DUSP16: variants seen among roughly 807,000 people sequenced by gnomAD.
DUSP16 encodes dual specificity protein phosphatase 16.
Under a neutral mutation model 58.3 loss-of-function variants are expected in DUSP16, and 21 were observed. That is an observed-to-expected ratio of 0.36 (90% confidence interval 0.26 to 0.52). DUSP16 has a LOEUF of 0.52. Among genes scored for constraint, DUSP16 ranks in the 20% least tolerant of loss-of-function variants. The pLI is 0.94. For missense variants in DUSP16, 726 were observed against 819.0 expected (o/e 0.89, Z 1.39); for synonymous variants, 320 against 323.8 (o/e 0.99, Z 0.12).
chr12:12,479,234 G>A (rs371141240), intron 6 of DUSP16, among the ~76,000 whole-genome samples: 5 of 151,990 alleles, frequency 3.3e-5, no homozygotes, highest in African/African-American at 1.2e-4. Context: ...AGGTGATGGA[G>A]GAGTAGAACT....
chr12:12,525,338 G>A (rs546692077), intron 1 of DUSP16, among the ~76,000 whole-genome samples: 8 of 151,416 alleles, frequency 5.3e-5, no homozygotes, highest in Non-Finnish European at 1.0e-4. Flanking sequence ...GGCGCATCTC[G>A]GCTCACCGCA....
chr12:12,553,582 G>C (rs369682610), intron 1 of DUSP16, among the ~76,000 whole-genome samples: 1 of 152,130 alleles, frequency 6.6e-6, no homozygotes, highest in East Asian at 1.9e-4. Flanking sequence ...TCACTCTGTT[G>C]CCCAGGCTGG....
At chr12:12,532,483 A>C (rs566569901) in intron 1 of DUSP16, among the ~76,000 whole-genome samples, 165 of 152,368 alleles carry the variant, frequency 1.1e-3, no homozygotes, top group Admixed American at 2.5e-3. Flanking sequence ...ACATAGTAAT[A>C]GTTTTACTTA....
intron 5 of DUSP16, among the ~76,000 whole-genome samples, chr12:12,486,135 A>G (rs1014750593): frequency 1.3e-5 from 2 of 152,080 alleles, no homozygotes; most frequent in African/African-American, 4.8e-5. Flanking sequence ...ATTTTTAATT[A>G]TGGTAATGGT....
chr12:12,513,837 AG>A (rs1944111291), intron 3 of DUSP16, among the ~76,000 whole-genome samples: 1 of 152,210 alleles, frequency 6.6e-6, no homozygotes, highest in Admixed American at 6.5e-5. Context: ...CAAATTCAAT[AG>A]TTTTCCTTTT....
chr12:12,534,396 C>T (rs1944435976), intron 1 of DUSP16, among the ~76,000 whole-genome samples: 1 of 152,238 alleles, frequency 6.6e-6, no homozygotes, highest in South Asian at 2.1e-4. Context: ...CACAGGAAAG[C>T]AAGGACACTA....
chr12:12,503,975 AAAAG>A (rs1943949101), intron 3 of DUSP16, among the ~76,000 whole-genome samples: 1 of 152,204 alleles, frequency 6.6e-6, no homozygotes, highest in Non-Finnish European at 1.5e-5. Flanking sequence ...CAATCTCAAA[AAAAG>A]GGGGTCAGCC....
At position 12,510,099 on chromosome 12, in the gene DUSP16, C is replaced by A. The variant is rs1944053386; in HGVS notation, c.368-9417G>T. Among the ~76,000 whole-genome samples, 3 of 151,934 alleles carry A rather than the reference C, an allele frequency of 2.0e-5. 1 individual carries two copies. The highest frequency in any genetic ancestry group is 2.0e-4 in the Admixed American group (3 of 15,272). ...TTTTTTCTGATGCCCCTAAATGGCG[C>A]AGGACTCCACACCGGTGTGGAGAGT... On this transcript the variant is annotated intron_variant, in intron 3 of 6. Transcript: ENST00000298573.
rs57833371 is a variant in DUSP16 at position 12,504,691 on chromosome 12, TAAA to T, written c.368-4012_368-4010del. Among the ~76,000 whole-genome samples, 639 of 119,108 alleles carry T rather than the reference TAAA, an allele frequency of 5.4e-3. 2 individuals are homozygous for T. The highest frequency in any genetic ancestry group is 8.0e-3 in the Admixed American group (88 of 10,950). The allele number at this position is 119,108 out of a possible 152,430, so 78.1% of individuals were successfully genotyped here. A position where few individuals can be genotyped will look rare whatever the true frequency, so the allele number is the denominator to read the frequency against. On this transcript the variant is annotated intron_variant, in intron 3 of 6. Coordinates refer to ENST00000298573, the MANE Select transcript of DUSP16 (RefSeq NM_030640.3). ...CAACATGGATAAACCCAATCTCTGT[TAAA>T]AAAAAAAAAAAAAAAAAAGAAAGAA...
chr12:12,512,563 A>G (rs766990029), intron 3 of DUSP16, among the ~76,000 whole-genome samples: 8 of 152,158 alleles, frequency 5.3e-5, no homozygotes, highest in Non-Finnish European at 8.8e-5. Context: ...ATGTGATACC[A>G]TGCAGTATTT....
chr12:12,503,606 A>C (rs989703723), intron 3 of DUSP16, among the ~76,000 whole-genome samples: 1 of 152,130 alleles, frequency 6.6e-6, no homozygotes, highest in African/African-American at 2.4e-5. Flanking sequence ...CAAAAAGTGG[A>C]AAAAGGAATG....
Position 12,517,889 on chromosome 12 carries a change from A to C in DUSP16, c.367+1973T>G, listed in dbSNP as rs73291700. ...CAGGGATGTCAGGGTGTTCTGACTC[A>C]GTGTGTCACACCACGTGTCCCTAGA... On this transcript the variant is annotated intron_variant, in intron 3 of 6. Coordinates refer to ENST00000298573, the MANE Select transcript of DUSP16 (RefSeq NM_030640.3). 3.8e-3 allele frequency among the ~76,000 whole-genome samples: 586 copies of C among 152,318 alleles called. 4 individuals are homozygous for C. Among genetic ancestry groups the C allele is most frequent in the African/African-American group, 0.013 (544 of 41,584 alleles).
At chr12:12,535,351 A>AT (rs1287419508) in intron 1 of DUSP16, among the ~76,000 whole-genome samples, 8 of 152,016 alleles carry the variant, frequency 5.3e-5, no homozygotes, top group East Asian at 1.9e-4. Context: ...GGGGAAAAAA[A>AT]TTTTTTTTTA....
rs775646657 is a variant in DUSP16, at chr12:12,477,021, T to A, written c.1810A>T (p.Ser604Cys). The A allele has an allele frequency of 6.2e-7, 1 of 1,614,252 alleles. No individual in the cohort carries two copies. The stretch of plus-strand genomic sequence containing the variant: ...CTCCGCCGCGAGTCAGCTCTGTCAC[T>A]TGGCTTCTGCCGCCTGCGCACAGAA... ...VYSVRRRQKPSDRADSRRSWH... is the reference protein window; with the variant it reads ...VYSVRRRQKPCDRADSRRSWH... The change falls in exon 7 of 7, where the codon AGT becomes TGT. Residue 604 changes from serine to cysteine, a missense_variant. Transcript: ENST00000298573. The surrounding 1 kb of genome is among the most constrained non-coding windows in gnomAD (Gnocchi z 4.1).
intron 3 of DUSP16, among the ~76,000 whole-genome samples, chr12:12,508,554 T>A (rs1462257027): frequency 1.3e-5 from 2 of 152,008 alleles, no homozygotes; most frequent in African/African-American, 4.8e-5. Flanking sequence ...AAGAGAAAAA[T>A]CCCAAATGAT....
At chr12:12,535,854 T>G (rs11835141) in intron 1 of DUSP16, among the ~76,000 whole-genome samples, 1,570 of 152,284 alleles carry the variant, frequency 0.01, 30 homozygotes, top group African/African-American at 0.035. Flanking sequence ...AGAAAACGCA[T>G]GAGCAAAGAC....
chr12:12,534,226 A>T (rs886977893), intron 1 of DUSP16, among the ~76,000 whole-genome samples: 26 of 152,338 alleles, frequency 1.7e-4, no homozygotes, highest in African/African-American at 4.6e-4. Flanking sequence ...ATCGCTGTTC[A>T]TTCACTGCAG....
In DUSP16 at chr12:12,476,716, T is replaced by C; in HGVS notation, c.*117A>G. 6 of 880,742 alleles carry C rather than the reference T, an allele frequency of 6.8e-6. No individual in the cohort carries two copies. The highest frequency in any genetic ancestry group is 1.0e-5 in the Non-Finnish European group (6 of 590,818). The allele number at this position is 880,742 out of a possible 1,614,324, so 54.6% of individuals were successfully genotyped here. ...TGATCCACCTGTTGCTTTTACACCA[T>C]AGCTCCATTTTCCAAAAATATATAT... is the stretch of plus-strand genomic sequence containing the variant. On this transcript the variant is annotated 3_prime_UTR_variant, in exon 7 of 7. Transcript: ENST00000298573.
intron 1 of DUSP16, among the ~76,000 whole-genome samples, chr12:12,529,728 C>T (rs538816328): frequency 3.2e-4 from 49 of 152,318 alleles, no homozygotes; most frequent in Admixed American, 3.2e-3. Context: ...CCATTCTACT[C>T]TCTACTTCCA....
Sources: gnomAD v4.1 joint callset for allele counts (sites outside exome capture counted in the v4.1 genomes callset) on GRCh38, gnomAD v4.1.1 for gene constraint, Gnocchi (gnomAD v3.1) non-coding constraint, MANE v1.5 for transcripts, NCBI Gene and HGNC (gene_info 2026-07-23, HGNC 2026-07-21) for gene names.